Variants in GRID2 observed in about 807,000 individuals in gnomAD.
GRID2 encodes glutamate receptor ionotropic, delta-2.
Under a neutral mutation model 114.8 loss-of-function variants are expected in GRID2, and 33 were observed. The observed-to-expected ratio is 0.29, with a 90% CI of 0.22 to 0.38. The LOEUF is 0.38. GRID2 is among the 10% of genes least tolerant of loss of function. The pLI is 1.00. For missense variants in GRID2, 1,184 were observed against 1,257.7 expected, an observed-to-expected ratio of 0.94 and a Z score of 0.89; for synonymous variants, 505 against 449.9, an observed-to-expected ratio of 1.12 and a Z score of -1.55.
At chr4:92,398,334 C>A (rs996827158) in intron 1 of GRID2, among the ~76,000 whole-genome samples, 1 of 152,038 alleles carries the variant, frequency 6.6e-6, no homozygotes, top group Non-Finnish European at 1.5e-5. Context: ...TAATTTGAAA[C>A]CTGTTGCCCA....
intron 2 of GRID2, among the ~76,000 whole-genome samples, chr4:92,852,140 C>A (rs1306230870): frequency 4.6e-5 from 7 of 151,914 alleles, no homozygotes; most frequent in African/African-American, 1.7e-4. Flanking sequence ...GAGATGAACA[C>A]TTGTGTTTTC....
intron 4 of GRID2, among the ~76,000 whole-genome samples, chr4:93,128,337 T>A (rs933135545): frequency 6.6e-6 from 1 of 152,110 alleles, no homozygotes; most frequent in Admixed American, 6.5e-5. Flanking sequence ...TTAGTGTATG[T>A]GCTTATACTA....
In GRID2 at chr4:93,076,936, A is replaced by G. The variant is rs182905971; in HGVS notation, c.245-8059A>G. Among the ~76,000 whole-genome samples the G allele has an allele frequency of 3.2e-4, 49 of 152,224 alleles. No individual in the cohort carries two copies. In the East Asian group the frequency reaches 9.3e-3, roughly 29 times the overall value. On this transcript the variant is annotated intron_variant, in intron 2 of 15. Transcript: ENST00000282020. ...ATTTTTGCCTAAGATCCCATATTTCATTAAATTGTCATTCCTGCTTAGTCT... is the reference window on the plus strand; with the variant it reads ...ATTTTTGCCTAAGATCCCATATTTCGTTAAATTGTCATTCCTGCTTAGTCT...
At chr4:92,929,826 G>T (rs182048045) in intron 2 of GRID2, among the ~76,000 whole-genome samples, 1 of 151,154 alleles carries the variant, frequency 6.6e-6, no homozygotes, top group African/African-American at 2.4e-5. Context: ...TGTCTAATTT[G>T]TAGATTTTAG....
intron 1 of GRID2, among the ~76,000 whole-genome samples, chr4:92,507,820 A>C (rs1724051269): frequency 6.6e-6 from 1 of 151,902 alleles, no homozygotes; most frequent in Non-Finnish European, 1.5e-5. Context: ...GTCATTCTTC[A>C]AGGTATTCTA....
chr4:92,321,281 A>G (rs1022291587), intron 1 of GRID2, among the ~76,000 whole-genome samples: 3 of 152,102 alleles, frequency 2.0e-5, no homozygotes, highest in African/African-American at 7.2e-5. Context: ...CTTCATTGTT[A>G]AGGACCTGTG....
chr4:93,554,294 T>G (rs1287110178), intron 13 of GRID2, among the ~76,000 whole-genome samples: 1 of 152,160 alleles, frequency 6.6e-6, no homozygotes, highest in Non-Finnish European at 1.5e-5. Flanking sequence ...TATAAAAGCC[T>G]TTTTTTCTTT....
At chr4:92,553,421 C>T (rs1226908586) in intron 1 of GRID2, among the ~76,000 whole-genome samples, 1 of 152,060 alleles carries the variant, frequency 6.6e-6, no homozygotes, top group African/African-American at 2.4e-5. Context: ...TTGGGTAAGT[C>T]TCTACCTTGT....
intron 2 of GRID2, among the ~76,000 whole-genome samples, chr4:92,695,091 C>T (rs1186221871): frequency 6.6e-6 from 1 of 151,992 alleles, no homozygotes; most frequent in African/African-American, 2.4e-5. Context: ...CTTAGCCTTC[C>T]TAGTAGCTGG....
intron 13 of GRID2, among the ~76,000 whole-genome samples, chr4:93,528,722 C>G (rs750032747): frequency 6.6e-6 from 1 of 152,012 alleles, no homozygotes; most frequent in Non-Finnish European, 1.5e-5. Context: ...AACCTATTAA[C>G]CAGCCCCCAG....
At chr4:93,797,919 G>A (rs1002274689) in intron 1 of GRID2, among the ~76,000 whole-genome samples, 8 of 151,018 alleles carry the variant, frequency 5.3e-5, no homozygotes, top group Admixed American at 2.0e-4. Flanking sequence ...TTGGGAGGCC[G>A]AGCCAGGTGG....
At chr4:92,323,685 C>T (rs1560567593) in intron 1 of GRID2, among the ~76,000 whole-genome samples, 2 of 152,030 alleles carry the variant, frequency 1.3e-5, no homozygotes, top group African/African-American at 4.8e-5. Context: ...TCACACTGTG[C>T]TCTGAAGCTT....
intron 2 of GRID2, among the ~76,000 whole-genome samples, chr4:92,611,971 A>G (rs1363300085): frequency 6.6e-6 from 1 of 151,432 alleles, no homozygotes; most frequent in East Asian, 1.9e-4. Flanking sequence ...TTAGTGGAGT[A>G]TTTTAAAATG....
At chr4:92,664,482 C>A (rs1408913755) in intron 2 of GRID2, among the ~76,000 whole-genome samples, 3 of 150,980 alleles carry the variant, frequency 2.0e-5, no homozygotes, top group Non-Finnish European at 4.5e-5. Context: ...TATATTGGGA[C>A]TTAGGTCTCA....
intron 2 of GRID2, among the ~76,000 whole-genome samples, chr4:92,641,231 A>AAT (rs1297421941): frequency 6.6e-6 from 1 of 151,574 alleles, no homozygotes; most frequent in African/African-American, 2.4e-5. Flanking sequence ...AGACATCCTA[A>AAT]ATATATATAT....
At chr4:93,247,869 A>G (rs190546982) in intron 8 of GRID2, among the ~76,000 whole-genome samples, 4 of 152,228 alleles carry the variant, frequency 2.6e-5, no homozygotes, top group Admixed American at 2.6e-4. Context: ...ATTGGCATCC[A>G]TACTCTCAGA....
intron 2 of GRID2, among the ~76,000 whole-genome samples, chr4:92,678,613 T>C (rs1407591722): frequency 6.6e-6 from 1 of 151,818 alleles, no homozygotes; most frequent in African/African-American, 2.4e-5. Context: ...ATGTAGTTGG[T>C]GTTACTTTTT....
At chr4:93,544,792 GA>G (rs1246304284) in intron 13 of GRID2, among the ~76,000 whole-genome samples, 1 of 144,362 alleles carries the variant, frequency 6.9e-6, no homozygotes, top group Non-Finnish European at 1.5e-5. Flanking sequence ...AAAAAAAAAA[GA>G]AAAAAAGAAA....
At chr4:93,784,071 C>CAAA (rs70942993) in intron 1 of GRID2, among the ~76,000 whole-genome samples, 1,157 of 38,914 alleles carry the variant, frequency 0.03, 202 homozygotes, top group African/African-American at 0.058. Flanking sequence ...GACTCCGTCT[C>CAAA]AAAAAAAAAA....
Sources: allele counts gnomAD v4.1 joint callset (sites outside exome capture counted in the v4.1 genomes callset), GRCh38; gene constraint gnomAD v4.1.1; transcripts MANE v1.5; gene names NCBI Gene and HGNC (gene_info 2026-07-23, HGNC 2026-07-21).